ABHD12B: variants seen among roughly 807,000 people sequenced by gnomAD.
The protein encoded by ABHD12B is protein ABHD12B.
Under a neutral mutation model 50.4 loss-of-function variants are expected in ABHD12B, and 42 were observed. That is an observed-to-expected ratio of 0.83 (90% CI 0.65 to 1.08). The LOEUF (loss-of-function observed/expected upper bound fraction) is 1.08. Among genes scored for constraint, ABHD12B ranks in the 50% least tolerant of loss-of-function variants. The pLI, the probability that ABHD12B is intolerant of heterozygous loss-of-function variation, is 0.00. For missense variants in ABHD12B, 479 were observed against 447.7 expected (o/e 1.07, Z -0.63); for synonymous variants, 167 against 160.3 (o/e 1.04, Z -0.32).
rs201204628 is a variant in ABHD12B at position 50,903,343 on chromosome 14, A to G, written c.864-46A>G. 2.8e-5 allele frequency: 41 copies of G among 1,439,274 alleles called. No individual in the cohort carries two copies. The Admixed American group carries it at 7.2e-4, about 25-fold the overall frequency. The allele number at this position is 1,439,274 out of a possible 1,614,324, so 89.2% of individuals were successfully genotyped here. On this transcript the variant is annotated intron_variant, in intron 10 of 12. Coordinates refer to ENST00000337334, the MANE Select transcript of ABHD12B (RefSeq NM_001206673.2). ...TTTAACTTAGAAGAGGAGAAATCTC[A>G]ATGTATCATTCTTTAACTGAATGCT...
intron 11 of ABHD12B, 25 bp from the exon 12 acceptor site, chr14:50,904,049 T>C (rs778612729): frequency 2.5e-6 from 4 of 1,583,296 alleles, no homozygotes; most frequent in Non-Finnish European, 8.6e-7. Context: ...TGGCCATCCT[T>C]TGAGTCTCTT....
chr14:50,888,265 G>A (rs1356832997), intron 8 of ABHD12B, among the ~76,000 whole-genome samples: 4 of 150,256 alleles, frequency 2.7e-5, no homozygotes, highest in South Asian at 2.1e-4. Flanking sequence ...GTGCAGTGGC[G>A]CAATCTCGGC....
chr14:50,877,241 G>C (rs536139287), intron 1 of ABHD12B, among the ~76,000 whole-genome samples: 1 of 152,304 alleles, frequency 6.6e-6, no homozygotes, highest in South Asian at 2.1e-4. Flanking sequence ...CCAGAATATA[G>C]AGGATCTAGG....
intron 9 of ABHD12B, among the ~76,000 whole-genome samples, chr14:50,890,375 A>G (rs1194998618): frequency 6.6e-6 from 1 of 152,190 alleles, no homozygotes; most frequent in Non-Finnish European, 1.5e-5. Context: ...CCCACACTCT[A>G]GAAGTCTTCT....
chr14:50,876,132 T>C (rs1207157272), intron 1 of ABHD12B, among the ~76,000 whole-genome samples: 3 of 152,218 alleles, frequency 2.0e-5, no homozygotes, highest in Non-Finnish European at 1.5e-5. Context: ...GTCCTCTCCT[T>C]CCTGCCGCCT....
chr14:50,901,808 T>C, intron 9 of ABHD12B, 21 bp from the exon 10 acceptor site: 1 of 1,537,502 alleles, frequency 6.5e-7, no homozygotes, highest in Non-Finnish European at 8.8e-7. Context: ...ATATTAATTT[T>C]TTTTTCTTTT....
chr14:50,902,045 T>G, intron 10 of ABHD12B, 134 bp downstream of exon 10: 3 of 563,560 alleles, frequency 5.3e-6, no homozygotes, highest in Non-Finnish European at 9.0e-6. Flanking sequence ...TGTTCTGCGC[T>G]TCTTAGATGG....
chr14:50,903,546 G>A, intron 11 of ABHD12B, 79 bp downstream of exon 11: 2 of 1,172,878 alleles, frequency 1.7e-6, no homozygotes, highest in African/African-American at 1.5e-5. Context: ...ACTTTGATTA[G>A]AGCCGAAAGG....
chr14:50,889,844 G>A (rs2050094948), intron 9 of ABHD12B, among the ~76,000 whole-genome samples: 2 of 152,086 alleles, frequency 1.3e-5, no homozygotes, highest in South Asian at 2.1e-4. Flanking sequence ...AAGACATCTT[G>A]GAGTATGTTA....
At chr14:50,903,764 A>C (rs2050294587) in intron 11 of ABHD12B, among the ~76,000 whole-genome samples, 1 of 152,188 alleles carries the variant, frequency 6.6e-6, no homozygotes. Context: ...AGTGGCTCTA[A>C]AATGGAAGAC....
chr14:50,897,057 T>C (rs1205046251), intron 9 of ABHD12B, among the ~76,000 whole-genome samples: 1 of 150,702 alleles, frequency 6.6e-6, no homozygotes, highest in African/African-American at 2.4e-5. Context: ...CTAATAATAT[T>C]ATGATTTAGT....
intron 9 of ABHD12B, among the ~76,000 whole-genome samples, chr14:50,895,387 C>T (rs1299227003): frequency 1.1e-4 from 16 of 151,930 alleles, no homozygotes; most frequent in African/African-American, 2.7e-4. Flanking sequence ...AACTTCCAAA[C>T]GCCTGAACCG....
intron 1 of ABHD12B, among the ~76,000 whole-genome samples, chr14:50,877,282 T>C (rs1386824290): frequency 6.6e-6 from 1 of 152,148 alleles, no homozygotes; most frequent in Non-Finnish European, 1.5e-5. Context: ...AGACTAATGA[T>C]AAGAATAGCT....
rs1422822585 is a variant in ABHD12B, at chr14:50,886,606, G to A, written c.663-41G>A. 6.9e-6 allele frequency: 11 copies of A among 1,589,588 alleles called. No individual in the cohort carries two copies. In the Admixed American group the frequency reaches 1.0e-4, roughly 15 times the overall value. On this transcript the variant is annotated intron_variant, in intron 7 of 12. Transcript: ENST00000337334. The stretch of plus-strand genomic sequence containing the variant: ...CATACCAGAAGTTGCATTTTGTACT[G>A]TTATTGCTTAACACATGTACTAATT...
chr14:50,887,627 T>C (rs1474907378), intron 8 of ABHD12B, among the ~76,000 whole-genome samples: 1 of 152,176 alleles, frequency 6.6e-6, no homozygotes, highest in East Asian at 1.9e-4. Context: ...TAGAAATGAT[T>C]TGAGGTTTGA....
At chr14:50,874,616 AAAAAAAG>A (rs1209733654) in intron 1 of ABHD12B, among the ~76,000 whole-genome samples, 1 of 151,830 alleles carries the variant, frequency 6.6e-6, no homozygotes, top group Non-Finnish European at 1.5e-5. Context: ...AAATAATAAT[AAAAAAAG>A]AAAAATGGAA....
intron 6 of ABHD12B, 36 bp downstream of exon 6, chr14:50,885,695 TA>T: frequency 6.2e-7 from 1 of 1,614,190 alleles, no homozygotes; most frequent in South Asian, 1.1e-5. Context: ...GATGTTTCAG[TA>T]ACCAGGGGGC....
intron 5 of ABHD12B, among the ~76,000 whole-genome samples, chr14:50,885,337 C>A (rs1377523940): frequency 6.6e-6 from 1 of 152,162 alleles, no homozygotes; most frequent in Non-Finnish European, 1.5e-5. Flanking sequence ...TTTTAATCTT[C>A]ATCGAATATA....
chr14:50,873,140 A>G (rs941607882), intron 1 of ABHD12B, among the ~76,000 whole-genome samples: 2 of 152,118 alleles, frequency 1.3e-5, no homozygotes, highest in African/African-American at 2.4e-5. Context: ...ATATCCAAAA[A>G]TTACATCCAG....
Sources: gnomAD v4.1 joint callset for allele counts (sites outside exome capture counted in the v4.1 genomes callset) on GRCh38, gnomAD v4.1.1 for gene constraint, MANE v1.5 for transcripts, NCBI Gene and HGNC (gene_info 2026-07-23, HGNC 2026-07-21) for gene names.